Variants in TYW1B observed in about 807,000 individuals in gnomAD.
The protein encoded by TYW1B is tRNA-yW synthesizing protein 1 homolog B.
A neutral mutation model predicts 86.9 loss-of-function variants in TYW1B; 73 were observed. The ratio of observed to expected loss-of-function variants is 0.84; its 90% CI spans 0.70 to 1.02. The LOEUF (loss-of-function observed/expected upper bound fraction) is 1.02, where lower values mean the gene tolerates loss of function less well. Among genes scored for constraint, TYW1B ranks in the 50% least tolerant of loss-of-function variants. The pLI, the probability that TYW1B is intolerant of heterozygous loss-of-function variation, is 0.00. For synonymous variants in TYW1B, 248 were observed against 292.8 expected (o/e 0.85, Z 1.56); for missense variants, 637 against 827.4 (o/e 0.77, Z 2.82).
chr7:72,757,582 G>GGACT (rs1787614802), intron 7 of TYW1B, among the ~76,000 whole-genome samples: 1 of 152,082 alleles, frequency 6.6e-6, no homozygotes, highest in Non-Finnish European at 1.5e-5. Context: ...CCCATATGAT[G>GGACT]GACTGACTGT....
chr7:72,748,423 G>A (rs559349298), intron 7 of TYW1B, among the ~76,000 whole-genome samples: 4 of 151,590 alleles, frequency 2.6e-5, no homozygotes, highest in South Asian at 4.2e-4. Context: ...CTTTATTTCT[G>A]CCTTTGCAAC....
intron 11 of TYW1B, among the ~76,000 whole-genome samples, chr7:72,659,516 T>G (rs1471873446): frequency 6.6e-6 from 1 of 151,912 alleles, no homozygotes; most frequent in African/African-American, 2.4e-5. Context: ...AGGCTGAGGG[T>G]ACAGTGAGCC....
At chr7:72,804,328 T>C (rs1207967497) in intron 5 of TYW1B, among the ~76,000 whole-genome samples, 4 of 149,666 alleles carry the variant, frequency 2.7e-5, no homozygotes, top group African/African-American at 9.8e-5. Context: ...ACAAACAAAG[T>C]GTCAATAACC....
At chr7:72,690,337 T>A (rs1366918523) in intron 11 of TYW1B, among the ~76,000 whole-genome samples, 1 of 152,240 alleles carries the variant, frequency 6.6e-6, no homozygotes, top group East Asian at 1.9e-4. Context: ...GTAGCTATCG[T>A]GGACGGAAAT....
At chr7:72,797,336 A>G (rs1370953744) in intron 6 of TYW1B, among the ~76,000 whole-genome samples, 2 of 152,144 alleles carry the variant, frequency 1.3e-5, no homozygotes, top group African/African-American at 4.8e-5. Context: ...TGGGATACCA[A>G]TAAAAACCCT....
chr7:72,676,187 T>C (rs1554447371), intron 11 of TYW1B, among the ~76,000 whole-genome samples: 2 of 152,242 alleles, frequency 1.3e-5, no homozygotes, highest in African/African-American at 2.4e-5. Flanking sequence ...TGCTAAAAGA[T>C]AATAAAAATA....
intron 13 of TYW1B, among the ~76,000 whole-genome samples, chr7:72,600,430 G>A (rs1354299914): frequency 2.0e-5 from 3 of 152,056 alleles, no homozygotes; most frequent in Non-Finnish European, 4.4e-5. Flanking sequence ...AAATCTAGGT[G>A]ACCTTGAATG....
chr7:72,699,676 G>A (rs1814411833), intron 10 of TYW1B, among the ~76,000 whole-genome samples: 1 of 151,346 alleles, frequency 6.6e-6, no homozygotes, highest in African/African-American at 2.4e-5. Flanking sequence ...TAAAGACAGA[G>A]TCTTGCTCTG....
At chr7:72,732,706 A>G (rs1250046501) in intron 8 of TYW1B, among the ~76,000 whole-genome samples, 6 of 152,164 alleles carry the variant, frequency 3.9e-5, no homozygotes, top group Non-Finnish European at 7.4e-5. Flanking sequence ...TCAGGGAACT[A>G]GAAAAGCAAA....
Position 72,775,714 on chromosome 7 carries a change from A to G in TYW1B, c.964+1702T>C, listed in dbSNP as rs150607737. 4.1e-3 allele frequency among the ~76,000 whole-genome samples: 626 copies of G among 151,998 alleles called. 3 individuals are homozygous for G. The highest frequency in any genetic ancestry group is 0.014 in the African/African-American group (593 of 41,490). ...TTCAAAAAGTCCTTGGAGTCGCCAC[A>G]GGTAAGTTTAAATTAGAAAAAAAAA... On this transcript the variant is annotated intron_variant, in intron 7 of 13. Coordinates refer to ENST00000620995, the MANE Select transcript of TYW1B (RefSeq NM_001145440.3).
At chr7:72,734,482 A>G (rs1787166296) in intron 8 of TYW1B, among the ~76,000 whole-genome samples, 3 of 152,178 alleles carry the variant, frequency 2.0e-5, no homozygotes, top group Admixed American at 2.0e-4. Flanking sequence ...TACACGTAAA[A>G]CCTGAAACTG....
intron 13 of TYW1B, among the ~76,000 whole-genome samples, chr7:72,576,064 G>GCTTTTGA (rs1222255995): frequency 2.6e-5 from 4 of 152,172 alleles, no homozygotes; most frequent in African/African-American, 9.7e-5. Flanking sequence ...TGCTGTTGCC[G>GCTTTTGA]CTTTTGATCG....
intron 11 of TYW1B, among the ~76,000 whole-genome samples, chr7:72,655,515 T>G (rs1479623993): frequency 2.6e-5 from 4 of 152,104 alleles, no homozygotes; most frequent in Non-Finnish European, 5.9e-5. Flanking sequence ...CCCCATGTTC[T>G]TCCAGAAGGC....
chr7:72,632,400 A>AT lies in TYW1B; in HGVS notation c.1507-3404_1507-3403insA, dbSNP rs1363543994. ...ATTATATATATACGTATATATATATAATATATATATACATATATATATAAA... is the reference window on the plus strand; with the variant it reads ...ATTATATATATACGTATATATATATATATATATATATACATATATATATAAA... On this transcript the variant is annotated intron_variant, in intron 11 of 13. Coordinates refer to ENST00000620995, the MANE Select transcript of TYW1B (RefSeq NM_001145440.3). 8.9e-4 allele frequency among the ~76,000 whole-genome samples: 73 copies of AT among 81,714 alleles called. 2 individuals are homozygous for AT. The highest frequency in any genetic ancestry group is 4.8e-3 in the Admixed American group (34 of 7,156). 53.6% of individuals were successfully genotyped at this position (81,714 alleles called of 152,430 possible).
Position 72,626,815 on chromosome 7 carries a change from G to C in TYW1B, c.1617+2072C>G, listed in dbSNP as rs11980114. ...TAACCACTCACTTTGTGACTGTTGT[G>C]CCTACTCTACTGCCCTCTATAACCA... is the stretch of plus-strand genomic sequence containing the variant. On this transcript the variant is annotated intron_variant, in intron 12 of 13. Transcript: ENST00000620995. Among the ~76,000 whole-genome samples, 655 of 151,966 alleles carry C rather than the reference G, an allele frequency of 4.3e-3. 2 individuals are homozygous for C. The highest frequency in any genetic ancestry group is 0.014 in the African/African-American group (599 of 41,468).
intron 6 of TYW1B, among the ~76,000 whole-genome samples, chr7:72,793,059 C>T (rs1788246556): frequency 6.6e-6 from 1 of 152,148 alleles, no homozygotes; most frequent in Admixed American, 6.6e-5. Context: ...TTAAAGGAGG[C>T]CAGGCACGGT....
In TYW1B at chr7:72,804,711, A is replaced by G. The variant is rs192381416; in HGVS notation, c.724-2189T>C. ...AAAACTTAGCTGGGCATGATGGTGCATGCCTGTAGGCCCAGCTACTCAGGA... is the reference window on the plus strand; with the variant it reads ...AAAACTTAGCTGGGCATGATGGTGCGTGCCTGTAGGCCCAGCTACTCAGGA... On this transcript the variant is annotated intron_variant, in intron 5 of 13. Coordinates refer to ENST00000620995, the MANE Select transcript of TYW1B (RefSeq NM_001145440.3). 3.6e-3 allele frequency among the ~76,000 whole-genome samples: 543 copies of G among 152,174 alleles called. 2 individuals carry two copies. The highest frequency in any genetic ancestry group is 4.6e-3 in the Non-Finnish European group (312 of 67,996).
intron 9 of TYW1B, among the ~76,000 whole-genome samples, chr7:72,718,659 A>G (rs1786835817): frequency 6.6e-6 from 1 of 152,178 alleles, no homozygotes; most frequent in Non-Finnish European, 1.5e-5. Context: ...GAAATCTAAG[A>G]TCTTAACTCA....
At chr7:72,714,870 C>A (rs529696109) in intron 9 of TYW1B, among the ~76,000 whole-genome samples, 2 of 151,884 alleles carry the variant, frequency 1.3e-5, no homozygotes, top group African/African-American at 4.8e-5. Context: ...TGAGAGGAGA[C>A]GGTGTCACCG....
Sources: gnomAD v4.1 joint callset for allele counts (sites outside exome capture counted in the v4.1 genomes callset) on GRCh38, gnomAD v4.1.1 for gene constraint, MANE v1.5 for transcripts, NCBI Gene and HGNC (gene_info 2026-07-23, HGNC 2026-07-21) for gene names.